NKD1: variants seen among roughly 807,000 people sequenced by gnomAD.
The protein encoded by NKD1 is NKD inhibitor of Wnt signaling pathway 1.
NKD1 carries 21 observed loss-of-function variants against 56.0 expected under a neutral mutation model. The observed-to-expected ratio is 0.38, with a 90% confidence interval of 0.27 to 0.54. NKD1 has a LOEUF of 0.54. Among genes scored for constraint, NKD1 ranks in the 20% least tolerant of loss-of-function variants. The probability of loss-of-function intolerance (pLI) is 0.82; values close to 1 mark genes in which losing one functional copy is unlikely to be tolerated. For synonymous variants in NKD1, 263 were observed against 265.7 expected (o/e 0.99, Z 0.10); for missense variants, 578 against 642.7 (o/e 0.90, Z 1.09).
At position 50,640,270 on chromosome 16, in the gene NKD1, G is replaced by A. The variant is rs78239737; in HGVS notation, c.*6489G>A. 1.3e-5 allele frequency: 2 copies of A among 152,370 alleles called. No homozygotes were observed. Among genetic ancestry groups the A allele is most frequent in the East Asian group, 1.9e-4 (1 of 5,184 alleles). 9.4% of individuals were successfully genotyped at this position (152,370 alleles called of 1,614,324 possible). The stretch of plus-strand genomic sequence containing the variant: ...AAGACCTTCAGGGGCCCTAAGCACT[G>A]AAAACATCATTCCTCATCCCCAAGC... On this transcript the variant is annotated 3_prime_UTR_variant, in exon 10 of 10. Coordinates refer to ENST00000268459, the MANE Select transcript of NKD1 (RefSeq NM_033119.5).
At chr16:50,588,534 T>C (rs75667173) in intron 3 of NKD1, among the ~76,000 whole-genome samples, 2,623 of 152,164 alleles carry the variant, frequency 0.017, 29 homozygotes, top group Middle Eastern at 0.027. Flanking sequence ...TAGGCTGGGT[T>C]GAAATCCCAG....
intron 3 of NKD1, among the ~76,000 whole-genome samples, chr16:50,583,235 G>A (rs73589914): frequency 0.078 from 11,937 of 152,166 alleles, 734 homozygotes; most frequent in African/African-American, 0.17. Flanking sequence ...AGAAAGCCTG[G>A]CAGCTTTTGC....
At chr16:50,605,856 A>G (rs575142388) in intron 3 of NKD1, among the ~76,000 whole-genome samples, 1 of 152,084 alleles carries the variant, frequency 6.6e-6, no homozygotes, top group African/African-American at 2.4e-5. Flanking sequence ...CAGCTGTTTG[A>G]TTATTATTAT....
intron 3 of NKD1, among the ~76,000 whole-genome samples, chr16:50,588,861 C>T (rs868576045): frequency 3.3e-5 from 5 of 152,118 alleles, no homozygotes; most frequent in African/African-American, 9.7e-5. Context: ...GCCTCAGCCT[C>T]CCAAAGTGCT....
chr16:50,559,330 C>T (rs1472080124), intron 3 of NKD1, among the ~76,000 whole-genome samples: 4 of 152,090 alleles, frequency 2.6e-5, no homozygotes, highest in Admixed American at 6.5e-5. Flanking sequence ...AGGAGAATAA[C>T]GGAGGATTCT....
At chr16:50,548,611 C>A in intron 1 of NKD1, 33 bp downstream of exon 1, 3 of 1,449,334 alleles carry the variant, frequency 2.1e-6, no homozygotes, top group Non-Finnish European at 2.7e-6. Flanking sequence ...TCGCCCCGGG[C>A]CCCGCCGCCG....
intron 3 of NKD1, among the ~76,000 whole-genome samples, chr16:50,582,157 C>T (rs1961130462): frequency 6.6e-6 from 1 of 152,190 alleles, no homozygotes; most frequent in Non-Finnish European, 1.5e-5. Context: ...CCAAGGATGT[C>T]TCACCTAATT....
chr16:50,572,242 A>G (rs1960900512), intron 3 of NKD1, among the ~76,000 whole-genome samples: 1 of 152,158 alleles, frequency 6.6e-6, no homozygotes, highest in Non-Finnish European at 1.5e-5. Context: ...AGGAACAGCA[A>G]GGAGTTGTGG....
In NKD1 at chr16:50,608,190, C is replaced by A. The variant is rs968519767; in HGVS notation, c.193-104C>A. 3.6e-6 allele frequency: 3 copies of A among 831,692 alleles called. No individual in the cohort carries two copies. The African/African-American group carries it at 5.0e-5, about 14-fold the overall frequency. The allele number at this position is 831,692 out of a possible 1,614,324, so 51.5% of individuals were successfully genotyped here. Reference sequence around the variant, plus strand: ...GGATCTGCCTCAGTTGACCTGAATTCCAATCAGAAGAATCAGCCCAGGGTC... The same window carrying A: ...GGATCTGCCTCAGTTGACCTGAATTACAATCAGAAGAATCAGCCCAGGGTC... On this transcript the variant is annotated intron_variant, in intron 3 of 9. Coordinates refer to ENST00000268459, the MANE Select transcript of NKD1 (RefSeq NM_033119.5).
At position 50,589,694 on chromosome 16, in the gene NKD1, TTTCTCTTCTCTTCTCTTCTC is replaced by T. The variant is rs58760004; in HGVS notation, c.193-18548_193-18529del. 3.9e-3 allele frequency among the ~76,000 whole-genome samples: 472 copies of T among 120,656 alleles called. 41 individuals carry two copies. Among genetic ancestry groups the T allele is most frequent in the Non-Finnish European group, 4.6e-3 (257 of 56,096 alleles). 79.2% of individuals were successfully genotyped at this position (120,656 alleles called of 152,430 possible). A position where few individuals can be genotyped will look rare whatever the true frequency, so the allele number is the denominator to read the frequency against. On this transcript the variant is annotated intron_variant, in intron 3 of 9. Transcript: ENST00000268459. ...GCCTTTGCTGAATGCTTTCTTTTCT[TTTCTCTTCTCTTCTCTTCTC>T]TTCTCTTCTCTTCTCTTCTCTTCTC...
intron 3 of NKD1, among the ~76,000 whole-genome samples, chr16:50,571,150 G>A (rs1350175533): frequency 6.6e-6 from 1 of 152,200 alleles, no homozygotes; most frequent in Non-Finnish European, 1.5e-5. Flanking sequence ...TGGATTAAAG[G>A]TCCCTTTCAA....
At chr16:50,595,545 C>T (rs1375185307) in intron 3 of NKD1, among the ~76,000 whole-genome samples, 1 of 152,108 alleles carries the variant, frequency 6.6e-6, no homozygotes, top group Non-Finnish European at 1.5e-5. Flanking sequence ...TCCTGAGAGC[C>T]CTGGCCTTCC....
chr16:50,580,340 C>T (rs968362115), intron 3 of NKD1, among the ~76,000 whole-genome samples: 1 of 152,248 alleles, frequency 6.6e-6, no homozygotes, highest in African/African-American at 2.4e-5. Context: ...CAAGGAGAGG[C>T]GAGGGCCCAG....
intron 3 of NKD1, among the ~76,000 whole-genome samples, chr16:50,602,141 T>C (rs1961609837): frequency 6.6e-6 from 1 of 152,128 alleles, no homozygotes; most frequent in Admixed American, 6.5e-5. Flanking sequence ...AGGAAAGCCC[T>C]GGGGGCCTGG....
intron 3 of NKD1, chr16:50,574,552 G>C: frequency 1.0e-6 from 1 of 985,406 alleles, no homozygotes; most frequent in Non-Finnish European, 1.2e-6. Flanking sequence ...GTGCAGCGTG[G>C]TCTCGCCTTG....
chr16:50,632,345 G>A lies in NKD1; in HGVS notation c.760G>A (p.Glu254Lys), dbSNP rs1406813299. ...CCACCATTGCGTAGATGAGAACATC[G>A]AGAGGAGAAACCACTACTTAGATCT... is the stretch of plus-strand genomic sequence containing the variant. ...CYHHCVDENI[E>K]RRNHYLDLAG... is the part of the protein sequence containing the mutation. The change falls in exon 9 of 10, where the codon GAG becomes AAG. Residue 254 changes from glutamate to lysine, a missense_variant. By Grantham distance (56) the Glu-to-Lys change is moderately conservative. Coordinates refer to ENST00000268459, the MANE Select transcript of NKD1 (RefSeq NM_033119.5). This position sits in a 1 kb window ranked among gnomAD's most constrained non-coding sequence, Gnocchi z 4.1. 1.9e-6 allele frequency: 3 copies of A among 1,613,994 alleles called. No homozygotes were observed. Among genetic ancestry groups the A allele is most frequent in the Non-Finnish European group, 1.7e-6 (2 of 1,179,992 alleles).
chr16:50,632,158 C>A lies in NKD1; in HGVS notation c.696-123C>A. On this transcript the variant is annotated intron_variant, in intron 8 of 9. Coordinates refer to ENST00000268459, the MANE Select transcript of NKD1 (RefSeq NM_033119.5). The surrounding 1 kb of genome is among the most constrained non-coding windows in gnomAD (Gnocchi z 4.1). ...GAGGACTGTTCCTCCCCACCCTCTC[C>A]AAAGGCCAAGAAGGAAATGAATGAA... The A allele has an allele frequency of 1.1e-6, 1 of 938,270 alleles. No individual in the cohort carries two copies. The allele number at this position is 938,270 out of a possible 1,614,324, so 58.1% of individuals were successfully genotyped here.
chr16:50,607,058 T>C, intron 3 of NKD1: 1 of 457,198 alleles, frequency 2.2e-6, no homozygotes, highest in South Asian at 1.5e-5. Context: ...CCATCCTGAC[T>C]CGAGGAATAA....
chr16:50,561,144 GATGAGCAGTCCC>G (rs1444314410), intron 3 of NKD1, among the ~76,000 whole-genome samples: 2 of 152,154 alleles, frequency 1.3e-5, no homozygotes, highest in Non-Finnish European at 2.9e-5. Context: ...GAATGAAGAG[GATGAGCAGTCCC>G]ATGGAGGGGG....
Sources: gnomAD v4.1 joint callset for allele counts (sites outside exome capture counted in the v4.1 genomes callset) on GRCh38, gnomAD v4.1.1 for gene constraint, Gnocchi (gnomAD v3.1) non-coding constraint, MANE v1.5 for transcripts, NCBI Gene and HGNC (gene_info 2026-07-23, HGNC 2026-07-21) for gene names.